Variants in ANO7 observed in about 807,000 individuals in gnomAD.
ANO7 encodes anoctamin 7.
ANO7 carries 114 observed loss-of-function variants against 115.8 expected under a neutral mutation model. The observed-to-expected ratio is 0.98, with a 90% CI of 0.85 to 1.15. The LOEUF (loss-of-function observed/expected upper bound fraction) is 1.15. Among genes scored for constraint, ANO7 ranks in the 50% most tolerant of loss-of-function variants. The pLI, the probability that ANO7 is intolerant of heterozygous loss-of-function variation, is 0.00. For missense variants in ANO7, 1,302 were observed against 1,201.2 expected (o/e 1.08, Z -1.24); for synonymous variants, 550 against 498.2 (o/e 1.10, Z -1.38).
intron 7 of ANO7, 87 bp downstream of exon 7, chr2:241,201,442 G>A (rs2068470270): frequency 6.8e-7 from 1 of 1,460,138 alleles, no homozygotes; most frequent in Admixed American, 2.0e-5. Flanking sequence ...GATGCAGAAA[G>A]GCCTGCTTGA....
chr2:241,228,870 AG>A (rs908734149), downstream of ANO7: 6 of 152,980 alleles, frequency 3.9e-5, no homozygotes, highest in Non-Finnish European at 8.8e-5. Flanking sequence ...TGACGGCCAC[AG>A]GGGACCCAGA....
intron 3 of ANO7, among the ~76,000 whole-genome samples, chr2:241,194,551 C>T (rs1211113204): frequency 6.6e-6 from 1 of 151,920 alleles, no homozygotes; most frequent in East Asian, 1.9e-4. Flanking sequence ...ATCTCCTGAC[C>T]TCGTGATCCA....
intron 18 of ANO7, 131 bp downstream of exon 18, chr2:241,215,033 G>T: frequency 1.2e-6 from 1 of 845,158 alleles, no homozygotes; most frequent in South Asian, 1.8e-5. Context: ...TGGGGAGGGG[G>T]AGGGGGAGTG....
downstream of ANO7, chr2:241,229,235 C>T (rs1246381087): frequency 8.4e-6 from 2 of 237,152 alleles, no homozygotes; most frequent in South Asian, 4.9e-5. Context: ...AAGTCAAGGA[C>T]GTTTATTTCC....
intron 6 of ANO7, 104 bp downstream of exon 6, chr2:241,200,329 A>C (rs2068440080): frequency 1.4e-6 from 2 of 1,444,110 alleles, no homozygotes; most frequent in Non-Finnish European, 1.8e-6. Context: ...CCTCACCTGG[A>C]GTTTTCGGCA....
chr2:241,240,138 C>T, the ANO7 span: 13 of 1,612,534 alleles, frequency 8.1e-6, no homozygotes, highest in Non-Finnish European at 1.1e-5. The surrounding 1 kb of genome is among the most constrained non-coding windows in gnomAD (Gnocchi z 5.5). Context: ...GAAACCAATC[C>T]CACTGTGTTA....
the ANO7 span, chr2:241,239,861 A>G: frequency 6.2e-7 from 1 of 1,611,850 alleles, no homozygotes; most frequent in Non-Finnish European, 8.5e-7. The surrounding 1 kb of genome is among the most constrained non-coding windows in gnomAD (Gnocchi z 4.6). Context: ...CCACCCCATC[A>G]CGGCCCCAGC....
At chr2:241,216,419 C>T (rs2068829780) in intron 19 of ANO7, among the ~76,000 whole-genome samples, 181 bp downstream of exon 19, 1 of 152,222 alleles carries the variant, frequency 6.6e-6, no homozygotes, top group South Asian at 2.1e-4. Flanking sequence ...AATTCTTTTC[C>T]CCTGAGAGTG....
chr2:241,200,690 C>A (rs1229158029), intron 6 of ANO7, among the ~76,000 whole-genome samples: 1 of 152,264 alleles, frequency 6.6e-6, no homozygotes, highest in African/African-American at 2.4e-5. Context: ...CACTATGGCA[C>A]CAGGCCTACA....
intron 18 of ANO7, among the ~76,000 whole-genome samples, chr2:241,215,433 A>G (rs1360921623): frequency 6.6e-6 from 1 of 152,300 alleles, no homozygotes; most frequent in East Asian, 1.9e-4. Flanking sequence ...ACTGACCTGA[A>G]CGCCCTCCCA....
chr2:241,236,278 C>T, the ANO7 span: 22 of 331,594 alleles, frequency 6.6e-5, no homozygotes, highest in African/African-American at 3.3e-4. Flanking sequence ...CCCACTCACG[C>T]GGGGGGAGAC....
At chr2:241,198,119 GTCCGACTCCCC>G (rs1158070833) in intron 4 of ANO7, among the ~76,000 whole-genome samples, 1 of 152,136 alleles carries the variant, frequency 6.6e-6, no homozygotes, top group African/African-American at 2.4e-5. Context: ...TTAGTCCTGC[GTCCGACTCCCC>G]TCCACCTTCC....
downstream of ANO7, chr2:241,228,438 G>C (rs926037635): frequency 6.6e-6 from 1 of 152,364 alleles, no homozygotes; most frequent in Non-Finnish European, 1.5e-5. Context: ...CCAGTCACCC[G>C]GGACCTGCTC....
chr2:241,239,485 C>G, the ANO7 span: 1 of 795,732 alleles, frequency 1.3e-6, no homozygotes, highest in Non-Finnish European at 2.1e-6. This position sits in a 1 kb window ranked among gnomAD's most constrained non-coding sequence, Gnocchi z 4.6. Flanking sequence ...CTTCTGAAGC[C>G]TTCCAGGGCT....
Position 241,209,559 on chromosome 2 carries a change from G to A in ANO7, c.1283G>A (p.Gly428Asp). 10 of 1,601,932 alleles carry A rather than the reference G, an allele frequency of 6.2e-6. No individual in the cohort carries two copies. Among genetic ancestry groups the A allele is most frequent in the Non-Finnish European group, 8.5e-6 (10 of 1,175,134 alleles). The stretch of plus-strand genomic sequence containing the variant: ...ATGACAGCCCCGAACCCCATCACGG[G>A]TGAGGACGAGCCCTACTTCCCTGAG... Reference protein sequence around the residue: ...APMTAPNPITGEDEPYFPERS... With the variant: ...APMTAPNPITDEDEPYFPERS... The change falls in exon 13 of 25, where the codon GGT (glycine) becomes GAT (aspartate). Residue 428 changes from glycine to aspartate, a missense_variant. Coordinates refer to ENST00000674324, the MANE Select transcript of ANO7 (RefSeq NM_001370694.2).
At chr2:241,210,974 T>G (rs1208246893) in intron 15 of ANO7, among the ~76,000 whole-genome samples, 1 of 152,136 alleles carries the variant, frequency 6.6e-6, no homozygotes, top group Non-Finnish European at 1.5e-5. Flanking sequence ...CTGGTTTTCT[T>G]TCTCTTATTT....
intron 3 of ANO7, among the ~76,000 whole-genome samples, chr2:241,193,459 G>A (rs1242641041): frequency 2.0e-5 from 3 of 151,946 alleles, no homozygotes; most frequent in South Asian, 2.1e-4. Flanking sequence ...AGGCATCCTC[G>A]CAGCTGCCTG....
chr2:241,193,266 C>T (rs1020204177), intron 3 of ANO7, among the ~76,000 whole-genome samples: 3 of 151,992 alleles, frequency 2.0e-5, no homozygotes, highest in East Asian at 1.9e-4. Context: ...GACGGGGTTT[C>T]GCCATGTTGG....
chr2:241,218,193 A>AGGGGCGGAGCGGGGGCGCGCG, intron 20 of ANO7, 46 bp from the exon 21 acceptor site: 1 of 930,608 alleles, frequency 1.1e-6, no homozygotes, highest in Non-Finnish European at 1.4e-6. Context: ...GGGGGCGCGC[A>AGGGGCGGAGCGGGGGCGCGCG]GGGGCGGAGC....
Sources: allele counts gnomAD v4.1 joint callset (sites outside exome capture counted in the v4.1 genomes callset), GRCh38; gene constraint gnomAD v4.1.1; non-coding constraint Gnocchi (gnomAD v3.1); transcripts MANE v1.5; gene names NCBI Gene and HGNC (gene_info 2026-07-23, HGNC 2026-07-21).